The following SNTG1 variants were observed in gnomAD, a reference collection of about 807,000 sequenced individuals.
SNTG1 encodes syntrophin gamma 1.
A neutral mutation model predicts 74.7 loss-of-function variants in SNTG1; 39 were observed. The observed-to-expected ratio is 0.52, with a 90% confidence interval of 0.40 to 0.68. SNTG1 has a LOEUF of 0.68. Among genes scored for constraint, SNTG1 ranks in the 30% least tolerant of loss-of-function variants. SNTG1 has a pLI of 0.00. For missense variants in SNTG1, 685 were observed against 609.5 expected (o/e 1.12, Z -1.30); for synonymous variants, 254 against 217.1 (o/e 1.17, Z -1.49).
At chr8:49,963,598 C>G (rs531949749) in intron 1 of SNTG1, among the ~76,000 whole-genome samples, 1 of 152,098 alleles carries the variant, frequency 6.6e-6, no homozygotes, top group Non-Finnish European at 1.5e-5. Context: ...GCAAGCATTG[C>G]CCCTATATCT....
intron 9 of SNTG1, among the ~76,000 whole-genome samples, chr8:50,508,856 C>G (rs970414173): frequency 2.0e-5 from 3 of 152,096 alleles, no homozygotes; most frequent in Non-Finnish European, 4.4e-5. Flanking sequence ...AAAATTTTCT[C>G]CCCTTCTGTA....
At chr8:50,333,102 G>T (rs1428900807) in intron 2 of SNTG1, among the ~76,000 whole-genome samples, 1 of 152,208 alleles carries the variant, frequency 6.6e-6, no homozygotes, top group African/African-American at 2.4e-5. Context: ...TGCTAACTTT[G>T]TAAAAACGTA....
rs976589607 is a variant in SNTG1 at position 50,706,462 on chromosome 8, T to C, written c.1191+1710T>C. On this transcript the variant is annotated intron_variant, in intron 16 of 18. Coordinates refer to ENST00000642720, the MANE Select transcript of SNTG1 (RefSeq NM_018967.5). Reference sequence around the variant, plus strand: ...TCCACTTCGCTTGGAAACAGCTACATGGTAATTTTAACATTTTGGTTCCAA... The same window carrying C: ...TCCACTTCGCTTGGAAACAGCTACACGGTAATTTTAACATTTTGGTTCCAA... Among the ~76,000 whole-genome samples the C allele has an allele frequency of 4.6e-5, 7 of 152,186 alleles. 1 individual carries two copies. The highest frequency in any genetic ancestry group is 3.8e-4 in the East Asian group (2 of 5,200).
chr8:50,785,157 C>T (rs1368809542), intron 18 of SNTG1, among the ~76,000 whole-genome samples: 2 of 151,326 alleles, frequency 1.3e-5, no homozygotes, highest in Admixed American at 6.6e-5. Flanking sequence ...AAAATAAACA[C>T]AAAGTAAGCA....
At chr8:50,679,968 G>A (rs1390901734) in intron 15 of SNTG1, among the ~76,000 whole-genome samples, 1 of 152,122 alleles carries the variant, frequency 6.6e-6, no homozygotes, top group African/African-American at 2.4e-5. Context: ...TGGGCAAGGG[G>A]ACCTTACCTG....
intron 2 of SNTG1, among the ~76,000 whole-genome samples, chr8:50,335,005 G>A (rs1031624204): frequency 6.6e-6 from 1 of 152,122 alleles, no homozygotes; most frequent in Non-Finnish European, 1.5e-5. Flanking sequence ...CCTGTGTGTG[G>A]TGCAGGACCT....
intron 2 of SNTG1, among the ~76,000 whole-genome samples, chr8:50,290,724 A>G (rs1030457098): frequency 1.3e-5 from 2 of 152,106 alleles, no homozygotes; most frequent in African/African-American, 4.8e-5. Context: ...TACTCATTTA[A>G]ACATTTTTAA....
At chr8:50,734,516 T>C (rs149564056) in intron 17 of SNTG1, among the ~76,000 whole-genome samples, 144 of 151,240 alleles carry the variant, frequency 9.5e-4, no homozygotes, top group African/African-American at 3.4e-3. Context: ...AATGTTTCAC[T>C]ATGTATTTTT....
chr8:50,567,049 A>G (rs2094520059), intron 12 of SNTG1, among the ~76,000 whole-genome samples: 1 of 152,084 alleles, frequency 6.6e-6, no homozygotes, highest in African/African-American at 2.4e-5. Flanking sequence ...GAGTTTACAC[A>G]TCTTTGTTGA....
At position 50,622,982 on chromosome 8, in the gene SNTG1, C is replaced by G. The variant is rs2094933043; in HGVS notation, c.849+32065C>G. Among the ~76,000 whole-genome samples, 5 of 152,090 alleles carry G rather than the reference C, an allele frequency of 3.3e-5. 1 individual carries two copies. In the South Asian group the frequency reaches 1.0e-3, roughly 32 times the overall value. On this transcript the variant is annotated intron_variant, in intron 13 of 18. Transcript: ENST00000642720. ...TGTTTTTAAAAATTTATTTTTAATG[C>G]ACAGAAATGCGACTGACTTTTATGT...
chr8:50,536,954 A>G, intron 11 of SNTG1, 146 bp downstream of exon 11: 1 of 1,045,598 alleles, frequency 9.6e-7, no homozygotes, highest in East Asian at 2.7e-5. Context: ...AATCTAACAA[A>G]GTTAAACACT....
In SNTG1 at chr8:50,530,194, A is replaced by G; in HGVS notation, c.484A>G (p.Ser162Gly). The part of the protein sequence containing the change: ...EDCACAPSDQ[S>G]SGTSSPLCDS... ...TCCTGCAGGTGCTCCAAGTGACCAG[A>G]GCAGTGGCACCTCCTCTCCTCTCTG... Residue 162 changes from serine (S) to glycine (G), a missense_variant, in exon 10 of 19, where the codon AGC (serine) becomes GGC (glycine). Ser to Gly is a moderately conservative substitution (Grantham distance 56). Transcript: ENST00000642720. 1.2e-6 allele frequency: 2 copies of G among 1,613,758 alleles called. No individual in the cohort carries two copies. The highest frequency in any genetic ancestry group is 1.7e-6 in the Non-Finnish European group (2 of 1,179,762).
At chr8:50,527,475 G>T (rs951342590) in intron 9 of SNTG1, among the ~76,000 whole-genome samples, 1 of 151,688 alleles carries the variant, frequency 6.6e-6, no homozygotes, top group African/African-American at 2.4e-5. Flanking sequence ...TTATATTTTT[G>T]TGCATCTTAC....
At chr8:50,427,139 C>T (rs2093173295) in intron 4 of SNTG1, among the ~76,000 whole-genome samples, 1 of 151,966 alleles carries the variant, frequency 6.6e-6, no homozygotes, top group Non-Finnish European at 1.5e-5. Flanking sequence ...AAATTTCTTA[C>T]TCACAGTAAA....
intron 1 of SNTG1, among the ~76,000 whole-genome samples, chr8:50,103,472 G>C (rs923234233): frequency 1.3e-5 from 2 of 152,108 alleles, no homozygotes; most frequent in African/African-American, 4.8e-5. Context: ...TGAGATGATG[G>C]GGTTTTCTAG....
intron 8 of SNTG1, among the ~76,000 whole-genome samples, chr8:50,468,466 A>G (rs1052463678): frequency 6.6e-6 from 1 of 151,950 alleles, no homozygotes; most frequent in African/African-American, 2.4e-5. Flanking sequence ...TCCTCCAGCT[A>G]CCTTCATTAA....
chr8:50,256,268 A>G (rs901773478), intron 2 of SNTG1, among the ~76,000 whole-genome samples: 9 of 152,186 alleles, frequency 5.9e-5, no homozygotes, highest in Non-Finnish European at 1.0e-4. Context: ...TGTATACCAC[A>G]TAGCAGGTAC....
intron 17 of SNTG1, among the ~76,000 whole-genome samples, chr8:50,750,500 C>T (rs1204713394): frequency 6.6e-6 from 1 of 151,924 alleles, no homozygotes; most frequent in Non-Finnish European, 1.5e-5. Context: ...ATATTGCAGG[C>T]TACAGAAAAA....
intron 1 of SNTG1, among the ~76,000 whole-genome samples, chr8:50,042,887 G>A (rs150254007): frequency 1.7e-4 from 26 of 152,274 alleles, no homozygotes; most frequent in Admixed American, 1.5e-3. Flanking sequence ...ATGAGCTATG[G>A]CTCGTTGCCA....
Sources: allele counts gnomAD v4.1 joint callset (sites outside exome capture counted in the v4.1 genomes callset), GRCh38; gene constraint gnomAD v4.1.1; transcripts MANE v1.5; gene names NCBI Gene and HGNC (gene_info 2026-07-23, HGNC 2026-07-21).